Variants in C1R observed in about 807,000 individuals in gnomAD.
The protein encoded by C1R is complement C1r subcomponent.
C1R carries 15 observed loss-of-function variants against 27.6 expected under a neutral mutation model. The observed-to-expected ratio is 0.54, with a 90% CI of 0.36 to 0.84. The LOEUF (loss-of-function observed/expected upper bound fraction) is 0.84. C1R is among the 40% of genes least tolerant of loss of function. C1R has a pLI of 0.01. For synonymous variants in C1R, 253 were observed against 228.8 expected, an observed-to-expected ratio of 1.11 and a Z score of -0.95; for missense variants, 544 against 577.9, an observed-to-expected ratio of 0.94 and a Z score of 0.60.
At position 7,080,566 on chromosome 12, in the gene C1R, T is replaced by C; in HGVS notation, c.2084A>G (p.Asp695Gly). The change falls in exon 11 of 11, where the codon GAC (aspartate) becomes GGC (glycine). Residue 695 changes from aspartate (D) to glycine (G), a missense_variant. Physicochemically the swap from Asp to Gly is moderately conservative, Grantham distance 94. Coordinates refer to ENST00000647956, the MANE Select transcript of C1R (RefSeq NM_001733.7). This position sits in a 1 kb window ranked among gnomAD's most constrained non-coding sequence, Gnocchi z 4.9. ...CTCCTCCATCTCTTTCTTGATCCAG[T>C]CCACGTAGTTGAGCACTTTGGTGTA... ...GFYTKVLNYV[D>G]WIKKEMEEED The C allele has an allele frequency of 6.3e-7, 1 of 1,591,584 alleles. No individual in the cohort carries two copies. The highest frequency in any genetic ancestry group is 8.6e-7 in the Non-Finnish European group (1 of 1,166,118).
At position 7,089,608 on chromosome 12, in the gene C1R, C is replaced by T. The variant is rs1126605; in HGVS notation, c.550G>A (p.Glu184Lys). Reference protein sequence around the residue: ...CSCRPGYELQEDRHSCQAECS... With the variant: ...CSCRPGYELQKDRHSCQAECS... ...TCACCCTGGCAGGAATGCCTGTCTT[C>T]CTGAAGCTCATAGCCTGGACGGCAG... is the stretch of plus-strand genomic sequence containing the variant. The change falls in exon 4 of 11, where the codon GAA becomes AAA. Residue 184 changes from glutamate to lysine, a missense_variant. By Grantham distance (56) the Glu-to-Lys change is moderately conservative. Around this residue, in one of 2 missense-constraint regions of C1R, gnomAD observed 291 missense variants for 209.0 expected, o/e 1.39. Transcript: ENST00000647956. 0.11 allele frequency: 86,354 copies of T among 780,854 alleles called. 6,558 individuals are homozygous for T. Among genetic ancestry groups the T allele is most frequent in the East Asian group, 0.36 (14,668 of 41,232 alleles). The allele number at this position is 780,854 out of a possible 1,614,324, so 48.4% of individuals were successfully genotyped here. A position where few individuals can be genotyped will look rare whatever the true frequency, so the allele number is the denominator to read the frequency against.
At position 7,091,284 on chromosome 12, in the gene C1R, C is replaced by T. The variant is rs1001742891; in HGVS notation, c.231+168G>A. Reference sequence around the variant, plus strand: ...TCTCCCCTCAGTGCTCACCGAGGGCCTCTACACCAGTGAGCGCCCATCCAG... The same window carrying T: ...TCTCCCCTCAGTGCTCACCGAGGGCTTCTACACCAGTGAGCGCCCATCCAG... On this transcript the variant is annotated intron_variant, in intron 2 of 10. Transcript: ENST00000647956. The surrounding 1 kb of genome is among the most constrained non-coding windows in gnomAD (Gnocchi z 5.1). 1 of 615,782 alleles carries T rather than the reference C, an allele frequency of 1.6e-6. No homozygotes were observed. The highest frequency in any genetic ancestry group is 3.0e-5 in the Admixed American group (1 of 33,694). The allele number at this position is 615,782 out of a possible 1,614,324, so 38.1% of individuals were successfully genotyped here.
Position 7,090,174 on chromosome 12 carries a change from C to A in C1R, c.306G>T (p.Lys102Asn), listed in dbSNP as rs755115134. The A allele has an allele frequency of 5.2e-6, 4 of 762,688 alleles. No individual in the cohort carries two copies. The African/African-American group carries it at 6.8e-5, about 13-fold the overall frequency. The allele number at this position is 762,688 out of a possible 1,614,324, so 47.2% of individuals were successfully genotyped here. ...LGSPLGNPPG[K>N]KEFMSQGNKM... ...TGTTCCCTTGGGACATAAATTCCTT[C>A]TTTCCCGGGGGGTTGCCCAGTGGAG... The change falls in exon 3 of 11, where the codon AAG (lysine) becomes AAT (asparagine). Residue 102 changes from lysine (K) to asparagine (N), a missense_variant. Physicochemically the swap from Lys to Asn is moderately conservative, Grantham distance 94. This residue lies in a region of C1R where 291 missense variants were observed against 209.0 expected (regional missense o/e 1.39). Transcript: ENST00000647956.
At chr12:7,090,579 C>T (rs1020557587) in intron 2 of C1R, among the ~76,000 whole-genome samples, 6 of 152,200 alleles carry the variant, frequency 3.9e-5, no homozygotes, top group African/African-American at 1.4e-4. Context: ...TTGTCTGTAC[C>T]CAGCCTTTAC....
intron 9 of C1R, among the ~76,000 whole-genome samples, chr12:7,082,625 C>G (rs1254196750): frequency 6.6e-6 from 1 of 152,132 alleles, no homozygotes; most frequent in Non-Finnish European, 1.5e-5. Context: ...GCCACCACGC[C>G]TGGCCAGAAT....
intron 9 of C1R, among the ~76,000 whole-genome samples, chr12:7,082,832 A>G (rs1938088402): frequency 6.6e-6 from 1 of 152,130 alleles, no homozygotes; most frequent in South Asian, 2.1e-4. Context: ...ATCTCATTTA[A>G]ACACTATAGT....
chr12:7,086,382 T>G lies in C1R; in HGVS notation c.1114A>C (p.Lys372Gln), dbSNP rs2135741308. 2.5e-6 allele frequency: 1 copy of G among 398,684 alleles called. No individual in the cohort carries two copies. The highest frequency in any genetic ancestry group is 3.6e-5 in the East Asian group (1 of 28,078). The allele number at this position is 398,684 out of a possible 1,614,324, so 24.7% of individuals were successfully genotyped here. The change falls in exon 8 of 11, where the codon AAG becomes CAG. Residue 372 changes from lysine (K) to glutamine (Q), a missense_variant. By Grantham distance (53) the Lys-to-Gln change is moderately conservative. This residue lies in a region of C1R where 291 missense variants were observed against 209.0 expected (regional missense o/e 1.39). Transcript: ENST00000647956. Reference protein sequence around the residue: ...GTWHRAMPRCKIKDCGQPRNL... With the variant: ...GTWHRAMPRCQIKDCGQPRNL... The stretch of plus-strand genomic sequence containing the variant: ...ATATCCCTGAATTGTGACTTACTCT[T>G]GCATCTGGGCATGGCACGATGCCAC...
At chr12:7,092,200 T>C (rs1017567760) in intron 1 of C1R, 187 bp downstream of exon 1, 1 of 655,040 alleles carries the variant, frequency 1.5e-6, no homozygotes, top group South Asian at 1.7e-5. Flanking sequence ...CATCTATGTA[T>C]GAAGTCTCCT....
chr12:7,090,965 T>A (rs1176601073), intron 2 of C1R, among the ~76,000 whole-genome samples: 1 of 152,162 alleles, frequency 6.6e-6, no homozygotes, highest in Non-Finnish European at 1.5e-5. Flanking sequence ...TTTTACTGGA[T>A]AGAGAAAGAC....
At position 7,088,820 on chromosome 12, in the gene C1R, G is replaced by A. The variant is rs1217358659; in HGVS notation, c.916+19C>T. On this transcript the variant is annotated intron_variant, in intron 6 of 10. Transcript: ENST00000647956. ...TTCCCCATTGCTGGCCATCGAGGGA[G>A]GCCTGCAGGGAGCCTTACTCTCGGT... 2 of 772,828 alleles carry A rather than the reference G, an allele frequency of 2.6e-6. No homozygotes were observed. Among genetic ancestry groups the A allele is most frequent in the African/African-American group, 1.7e-5 (1 of 58,730 alleles). 47.9% of individuals were successfully genotyped at this position (772,828 alleles called of 1,614,324 possible). A position where few individuals can be genotyped will look rare whatever the true frequency, so the allele number is the denominator to read the frequency against.
chr12:7,090,049 T>C lies in C1R; in HGVS notation c.424+7A>G, dbSNP rs943196132. 1.3e-6 allele frequency: 1 copy of C among 769,140 alleles called. No individual in the cohort carries two copies. The highest frequency in any genetic ancestry group is 2.4e-6 in the Non-Finnish European group (1 of 412,316). The allele number at this position is 769,140 out of a possible 1,614,324, so 47.6% of individuals were successfully genotyped here. A position where few individuals can be genotyped will look rare whatever the true frequency, so the allele number is the denominator to read the frequency against. On this transcript the variant is annotated splice_region_variant and intron_variant, in intron 3 of 10. Transcript: ENST00000647956. ...CAGAGAAAAGGGATCCCTGGGGGGC[T>C]ACTCACCCACAGCTTGGTAGTAGGC...
At chr12:7,087,925 T>A (rs902013458) in intron 7 of C1R, 1 of 156,462 alleles carries the variant, frequency 6.4e-6, no homozygotes, top group Admixed American at 6.4e-5. Context: ...GTCTTGGGTC[T>A]CTGTCCAGAG....
rs781113634 is a variant in C1R, at chr12:7,080,834, C to A, written c.1816G>T (p.Asp606Tyr). ...FGVMEEKIAH[D>Y]LRFVRLPVAN... ...ACGGGCAGACGGACAAACCTGAGGT[C>A]ATGAGCAATCTTCTCCTCCATGACC... The change falls in exon 11 of 11, where the codon GAC becomes TAC. Residue 606 changes from aspartate to tyrosine, a missense_variant. By Grantham distance (160) the Asp-to-Tyr change is radical. This residue lies in a region of C1R where 253 missense variants were observed against 368.9 expected (regional missense o/e 0.69). Transcript: ENST00000647956. The surrounding 1 kb of genome is among the most constrained non-coding windows in gnomAD (Gnocchi z 4.9). The A allele has an allele frequency of 1.9e-6, 3 of 1,613,952 alleles. No homozygotes were observed. In the East Asian group the frequency reaches 6.7e-5, roughly 36 times the overall value.
Position 7,089,723 on chromosome 12 carries a change from T to C in C1R, c.435A>G (p.Glu145=), listed in dbSNP as rs764995825. The change falls in exon 4 of 11, where the codon GAA becomes GAG. Residue 145 remains glutamate (E), a synonymous_variant. Coordinates refer to ENST00000647956, the MANE Select transcript of C1R (RefSeq NM_001733.7). The part of the protein sequence containing the change: ...LAYYQAVDLD[E]CASRSKSGEE... ...CCCCTGATTTGCTCCGGGAAGCACA[T>C]TCATCAAGGTCTGGAAGGCATTCAG... 2.6e-6 allele frequency: 2 copies of C among 780,658 alleles called. No individual in the cohort carries two copies. Among genetic ancestry groups the C allele is most frequent in the African/African-American group, 3.4e-5 (2 of 59,132 alleles). 48.4% of individuals were successfully genotyped at this position (780,658 alleles called of 1,614,324 possible).
intron 10 of C1R, among the ~76,000 whole-genome samples, chr12:7,081,690 G>T (rs769198328): frequency 1.3e-5 from 2 of 151,854 alleles, no homozygotes; most frequent in Admixed American, 1.3e-4. Context: ...GCTGGGTTTC[G>T]CCATGTTGGC....
intron 4 of C1R, 41 bp downstream of exon 4, chr12:7,089,546 T>C (rs368895945): frequency 1.3e-6 from 1 of 780,562 alleles, no homozygotes; most frequent in Middle Eastern, 2.3e-4. Flanking sequence ...CAGCAAGCCC[T>C]GGCTCAACCC....
At chr12:7,087,490 A>G (rs1483559249) in intron 7 of C1R, 2 of 154,424 alleles carry the variant, frequency 1.3e-5, no homozygotes, top group Non-Finnish European at 2.9e-5. Context: ...AATGTAGGTA[A>G]TGTGAGAAAC....
At chr12:7,081,693 A>G (rs900661723) in intron 10 of C1R, among the ~76,000 whole-genome samples, 3 of 151,956 alleles carry the variant, frequency 2.0e-5, no homozygotes, top group African/African-American at 7.3e-5. Flanking sequence ...GGGTTTCGCC[A>G]TGTTGGCCAG....
chr12:7,088,908 C>T lies in C1R; in HGVS notation c.847G>A (p.Val283Met). ...PPDLDTSSNA[V>M]DLLFFTDESG... is the part of the protein sequence containing the mutation. ...TCATCTGTGAAGAACAGCAGATCCA[C>T]AGCATTGCTGCTGGTGTCGAGGTCG... Residue 283 changes from valine (V) to methionine (M), a missense_variant, in exon 6 of 11, where the codon GTG (valine) becomes ATG (methionine). Around this residue, in one of 2 missense-constraint regions of C1R, gnomAD observed 291 missense variants for 209.0 expected, o/e 1.39. Coordinates refer to ENST00000647956, the MANE Select transcript of C1R (RefSeq NM_001733.7). The T allele has an allele frequency of 1.3e-6, 1 of 775,554 alleles. No individual in the cohort carries two copies. The highest frequency in any genetic ancestry group is 1.4e-5 in the South Asian group (1 of 73,034). 48.0% of individuals were successfully genotyped at this position (775,554 alleles called of 1,614,324 possible). A position where few individuals can be genotyped will look rare whatever the true frequency, so the allele number is the denominator to read the frequency against.
Sources: allele counts gnomAD v4.1 joint callset (sites outside exome capture counted in the v4.1 genomes callset), GRCh38; gene constraint gnomAD v4.1.1; regional missense constraint gnomAD v4.1.1; non-coding constraint Gnocchi (gnomAD v3.1); transcripts MANE v1.5; gene names NCBI Gene and HGNC (gene_info 2026-07-23, HGNC 2026-07-21).